Variants in PLA2G6 observed in about 807,000 individuals in gnomAD.
PLA2G6 encodes 85/88 kDa calcium-independent phospholipase A2.
A neutral mutation model predicts 83.8 loss-of-function variants in PLA2G6; 62 were observed. That is an observed-to-expected ratio of 0.74 (90% CI 0.60 to 0.91). PLA2G6 has a LOEUF of 0.91. PLA2G6 is among the 40% of genes least tolerant of loss of function. The pLI is 0.00. For missense variants in PLA2G6, 944 were observed against 1,102.0 expected (o/e 0.86, Z 2.03); for synonymous variants, 417 against 449.8 (o/e 0.93, Z 0.92).
intron 1 of PLA2G6, among the ~76,000 whole-genome samples, chr22:38,181,255 G>A (rs376789397): frequency 6.6e-6 from 1 of 152,222 alleles, no homozygotes; most frequent in East Asian, 1.9e-4. Flanking sequence ...GCACGCGAGA[G>A]AGGAAAGGCA....
intron 2 of PLA2G6, among the ~76,000 whole-genome samples, chr22:38,164,071 G>T (rs2090123607): frequency 1.3e-5 from 2 of 152,174 alleles, no homozygotes; most frequent in African/African-American, 2.4e-5. Flanking sequence ...TTCATCAAAT[G>T]TCATCTGTTA....
chr22:38,170,530 G>A (rs538420792), intron 1 of PLA2G6, among the ~76,000 whole-genome samples: 24 of 152,312 alleles, frequency 1.6e-4, no homozygotes, highest in African/African-American at 5.8e-4. Context: ...CAGAGTCATA[G>A]TTTCTGCCAT....
At chr22:38,152,082 AG>A (rs1407912919) in intron 2 of PLA2G6, among the ~76,000 whole-genome samples, 1 of 152,176 alleles carries the variant, frequency 6.6e-6, no homozygotes, top group Non-Finnish European at 1.5e-5. Flanking sequence ...CCAATGTTGG[AG>A]GTGGGGGGCT....
chr22:38,134,250 A>G (rs1464462441), intron 6 of PLA2G6: 1 of 152,602 alleles, frequency 6.6e-6, no homozygotes, highest in Non-Finnish European at 1.5e-5. Flanking sequence ...TGATCGTGTG[A>G]GTTAATGCTC....
At chr22:38,145,842 C>A in intron 2 of PLA2G6, 189 bp from the exon 3 acceptor site, 1 of 627,692 alleles carries the variant, frequency 1.6e-6, no homozygotes, top group South Asian at 1.7e-5. Context: ...CACCCCTATA[C>A]ACATGTAAAT....
intron 2 of PLA2G6, among the ~76,000 whole-genome samples, chr22:38,164,951 G>A (rs1001598890): frequency 6.7e-6 from 1 of 148,840 alleles, no homozygotes; most frequent in African/African-American, 2.5e-5. Context: ...GGCTCCAGCA[G>A]TGCCCTGATG....
Position 38,123,251 on chromosome 22 carries a change from G to C in PLA2G6, c.1435C>G (p.His479Asp), listed in dbSNP as rs1235695530. Residue 479 changes from histidine to aspartate, a missense_variant, in exon 11 of 17, where the codon CAC becomes GAC. Coordinates refer to ENST00000332509, the MANE Select transcript of PLA2G6 (RefSeq NM_003560.4). This position sits in a 1 kb window ranked among gnomAD's most constrained non-coding sequence, Gnocchi z 4.1. ...SMRDEKRTHD[H>D]LLCLDGGGVK... ...CCTCCTCCATCCAGGCACAGCAGGT[G>C]GTCGTGGCTGCAGTGGGAACAGCAG... 1.9e-6 allele frequency: 3 copies of C among 1,558,980 alleles called. No homozygotes were observed. The highest frequency in any genetic ancestry group is 1.7e-6 in the Non-Finnish European group (2 of 1,151,058).
At chr22:38,170,964 A>G (rs541509965) in intron 1 of PLA2G6, among the ~76,000 whole-genome samples, 14 of 152,170 alleles carry the variant, frequency 9.2e-5, no homozygotes, top group Non-Finnish European at 1.9e-4. Flanking sequence ...TGAGGTCAGG[A>G]GTTTGAGACC....
At chr22:38,133,391 G>A in intron 6 of PLA2G6, 1 of 267,384 alleles carries the variant, frequency 3.7e-6, no homozygotes, top group Non-Finnish European at 7.4e-6. Context: ...CCTTGGCAAT[G>A]CACATCCCTG....
In PLA2G6 at chr22:38,113,553, G is replaced by A. The variant is rs762265161; in HGVS notation, c.2136C>T (p.Ser712=). Residue 712 remains serine (S), a synonymous_variant, in exon 15 of 17, where the codon AGC becomes AGT. Coordinates refer to ENST00000332509, the MANE Select transcript of PLA2G6 (RefSeq NM_003560.4). ...CAGTCTTGGCCAGCTCCCAGGGGTT[G>A]CTGGGACGGAAGACATCCACACAGG... ...PVTCVDVFRP[S]NPWELAKTVF... 2 of 1,613,982 alleles carry A rather than the reference G, an allele frequency of 1.2e-6. No individual in the cohort carries two copies. The highest frequency in any genetic ancestry group is 2.7e-5 in the African/African-American group (2 of 75,068).
At chr22:38,139,889 C>T (rs1197423194) in intron 5 of PLA2G6, 93 bp downstream of exon 5, 1 of 1,034,932 alleles carries the variant, frequency 9.7e-7, no homozygotes, top group Non-Finnish European at 1.5e-6. Context: ...ATGCTAAGAT[C>T]TATGGTGGAT....
intron 4 of PLA2G6, 96 bp downstream of exon 4, chr22:38,143,009 G>A: frequency 8.8e-7 from 1 of 1,131,454 alleles, no homozygotes; most frequent in Non-Finnish European, 1.3e-6. Context: ...GGGACAGTGA[G>A]AGGCCTGAGA....
chr22:38,175,273 C>T (rs2090590075), intron 1 of PLA2G6, among the ~76,000 whole-genome samples: 1 of 152,190 alleles, frequency 6.6e-6, no homozygotes, highest in African/African-American at 2.4e-5. Flanking sequence ...CTCAGAGCAC[C>T]AGAGTGCCCT....
chr22:38,132,955 T>C lies in PLA2G6; in HGVS notation c.953A>G (p.Asn318Ser). 2 of 1,564,122 alleles carry C rather than the reference T, an allele frequency of 1.3e-6. No individual in the cohort carries two copies. Among genetic ancestry groups the C allele is most frequent in the Non-Finnish European group, 1.7e-6 (2 of 1,154,740 alleles). ...CATCACCGCCACGTGCAGGGCCGTG[T>C]TCCCCGCGGAGCTGGTGCTGTTCAC... is the stretch of plus-strand genomic sequence containing the variant. ...CNVNSTSSAG[N>S]TALHVAVMRN... Residue 318 changes from asparagine to serine, a missense_variant, in exon 7 of 17, where the codon AAC becomes AGC. Transcript: ENST00000332509. The surrounding 1 kb of genome is among the most constrained non-coding windows in gnomAD (Gnocchi z 5.0).
intron 15 of PLA2G6, 126 bp from the exon 16 acceptor site, chr22:38,112,703 GC>G: frequency 1.3e-6 from 1 of 787,296 alleles, no homozygotes; most frequent in Non-Finnish European, 2.2e-6. Context: ...GTCAGGCTGA[GC>G]CACACAGCAG....
At chr22:38,157,871 C>T (rs904550572) in intron 2 of PLA2G6, among the ~76,000 whole-genome samples, 4 of 151,928 alleles carry the variant, frequency 2.6e-5, no homozygotes, top group African/African-American at 9.7e-5. Context: ...CCCGTCTCTA[C>T]TAAAAATATA....
chr22:38,145,740 A>G (rs2089209863), intron 2 of PLA2G6, 87 bp from the exon 3 acceptor site: 1 of 881,288 alleles, frequency 1.1e-6, no homozygotes, highest in African/African-American at 1.7e-5. Flanking sequence ...GAAGGTCCCC[A>G]GGCTGCGGCC....
chr22:38,174,720 C>T (rs567126627), intron 1 of PLA2G6, among the ~76,000 whole-genome samples: 2 of 152,298 alleles, frequency 1.3e-5, no homozygotes, highest in African/African-American at 2.4e-5. Context: ...CAGGGGCTTG[C>T]TCAGCCCACC....
At chr22:38,169,901 A>G (rs1183666949) in intron 1 of PLA2G6, among the ~76,000 whole-genome samples, 1 of 152,220 alleles carries the variant, frequency 6.6e-6, no homozygotes, top group African/African-American at 2.4e-5. Flanking sequence ...TTCAGCACTC[A>G]AAGAGGCTAG....
Sources: gnomAD v4.1 joint callset for allele counts (sites outside exome capture counted in the v4.1 genomes callset) on GRCh38, gnomAD v4.1.1 for gene constraint, Gnocchi (gnomAD v3.1) non-coding constraint, MANE v1.5 for transcripts, NCBI Gene and HGNC (gene_info 2026-07-23, HGNC 2026-07-21) for gene names.